SNX9: variants seen among roughly 807,000 people sequenced by gnomAD.
SNX9 encodes sorting nexin 9, also known as sorting nexin-9.
SNX9 carries 44 observed loss-of-function variants against 89.4 expected under a neutral mutation model. The ratio of observed to expected loss-of-function variants is 0.49; its 90% CI spans 0.39 to 0.63. The LOEUF is 0.63. SNX9 is among the 30% of genes least tolerant of loss of function. The pLI is 0.00. For synonymous variants in SNX9, 236 were observed against 247.8 expected (o/e 0.95, Z 0.45); for missense variants, 578 against 736.1 (o/e 0.79, Z 2.49).
At chr6:157,909,543 G>T (rs1287180502) in intron 7 of SNX9, 122 bp from the exon 8 acceptor site, 3 of 1,143,162 alleles carry the variant, frequency 2.6e-6, no homozygotes, top group East Asian at 2.4e-5. Flanking sequence ...CTTTCAAAGA[G>T]GAACAAGAAT....
intron 7 of SNX9, among the ~76,000 whole-genome samples, chr6:157,907,251 G>T (rs1783234471): frequency 6.6e-6 from 1 of 151,868 alleles, no homozygotes; most frequent in East Asian, 1.9e-4. Context: ...AAAATCAAGA[G>T]CGCACAGCTC....
chr6:157,868,297 A>T (rs1782309124), intron 2 of SNX9, among the ~76,000 whole-genome samples: 1 of 152,242 alleles, frequency 6.6e-6, no homozygotes, highest in Non-Finnish European at 1.5e-5. Context: ...AATTGTGTAC[A>T]TATACATACA....
chr6:157,859,954 A>G (rs1436940786), intron 1 of SNX9, among the ~76,000 whole-genome samples: 1 of 152,206 alleles, frequency 6.6e-6, no homozygotes, highest in Non-Finnish European at 1.5e-5. Context: ...TGGCCCATGA[A>G]CAAAATCTAG....
chr6:157,911,751 ATTACT>A (rs763476359), intron 9 of SNX9, among the ~76,000 whole-genome samples: 2 of 152,146 alleles, frequency 1.3e-5, no homozygotes, highest in Non-Finnish European at 2.9e-5. Flanking sequence ...TCCTTAAAAC[ATTACT>A]TTATATTTTA....
intron 1 of SNX9, among the ~76,000 whole-genome samples, chr6:157,829,697 T>C (rs1051839536): frequency 5.9e-5 from 9 of 152,236 alleles, no homozygotes; most frequent in African/African-American, 1.9e-4. Flanking sequence ...AGTGAACCTC[T>C]TTACCTCTGG....
rs1252752533 is a variant in SNX9, at chr6:157,921,593, A to T, written c.1012A>T (p.Met338Leu). The T allele has an allele frequency of 3.1e-6, 5 of 1,613,968 alleles. No individual in the cohort carries two copies. The African/African-American group carries it at 6.7e-5, about 22-fold the overall frequency. The change falls in exon 10 of 18, where the codon ATG becomes TTG. Residue 338 changes from methionine (M) to leucine (L), a missense_variant. Met to Leu is a conservative substitution (Grantham distance 15). Coordinates refer to ENST00000392185, the MANE Select transcript of SNX9 (RefSeq NM_016224.5). ...GAGACTTCAGGCCTGGATGACCAGG[A>T]TGTGTCGCCATCCAGTAATCTCAGA... The part of the protein sequence containing the change: ...MERLQAWMTR[M>L]CRHPVISESE...
At position 157,921,592 on chromosome 6, in the gene SNX9, G is replaced by T; in HGVS notation, c.1011G>T (p.Arg337Ser). 6.2e-7 allele frequency: 1 copy of T among 1,614,040 alleles called. No homozygotes were observed. The highest frequency in any genetic ancestry group is 8.5e-7 in the Non-Finnish European group (1 of 1,179,966). ...AGAGACTTCAGGCCTGGATGACCAGGATGTGTCGCCATCCAGTAATCTCAG... is the reference window on the plus strand; with the variant it reads ...AGAGACTTCAGGCCTGGATGACCAGTATGTGTCGCCATCCAGTAATCTCAG... ...RMERLQAWMT[R>S]MCRHPVISES... Residue 337 changes from arginine (R) to serine (S), a missense_variant, in exon 10 of 18, where the codon AGG (arginine) becomes AGT (serine). This residue lies in a region of SNX9 where 348 missense variants were observed against 491.4 expected (regional missense o/e 0.71). Transcript: ENST00000392185.
intron 2 of SNX9, among the ~76,000 whole-genome samples, chr6:157,871,947 T>A (rs1241115234): frequency 6.6e-6 from 1 of 152,050 alleles, no homozygotes; most frequent in African/African-American, 2.4e-5. Flanking sequence ...CAGCCTCATC[T>A]AATTTCTTTA....
chr6:157,905,639 A>G (rs926497554), intron 6 of SNX9, among the ~76,000 whole-genome samples: 2 of 152,046 alleles, frequency 1.3e-5, no homozygotes, highest in Admixed American at 6.5e-5. Flanking sequence ...GCAATTCCAA[A>G]AGAAACAAGC....
intron 10 of SNX9, among the ~76,000 whole-genome samples, 164 bp from the exon 11 acceptor site, chr6:157,926,947 G>C (rs1783706074): frequency 6.6e-6 from 1 of 152,142 alleles, no homozygotes; most frequent in Non-Finnish European, 1.5e-5. Flanking sequence ...ATTACATTCG[G>C]AGTATAAAGG....
At chr6:157,925,170 T>G (rs1484202139) in intron 10 of SNX9, among the ~76,000 whole-genome samples, 1 of 152,204 alleles carries the variant, frequency 6.6e-6, no homozygotes, top group East Asian at 1.9e-4. Flanking sequence ...AAAACATCAG[T>G]AAGCCCAGTG....
At chr6:157,827,486 TAAACTTATA>T in intron 1 of SNX9, among the ~76,000 whole-genome samples, 2 of 17,518 alleles carry the variant, frequency 1.1e-4, no homozygotes, top group Non-Finnish European at 1.6e-4. Context: ...ATATAATATA[TAAACTTATA>T]GTTTATATAA....
intron 7 of SNX9, 121 bp from the exon 8 acceptor site, chr6:157,909,544 G>A: frequency 3.5e-6 from 4 of 1,151,042 alleles, no homozygotes; most frequent in Admixed American, 2.1e-5. Context: ...TTTCAAAGAG[G>A]AACAAGAATG....
chr6:157,935,906 A>G, intron 13 of SNX9, 58 bp from the exon 14 acceptor site: 1 of 1,239,380 alleles, frequency 8.1e-7, no homozygotes, highest in South Asian at 1.5e-5. Context: ...TAAAATTTTA[A>G]CAAGTGAAAA....
chr6:157,836,871 G>A (rs368974115), intron 1 of SNX9, among the ~76,000 whole-genome samples: 4 of 152,090 alleles, frequency 2.6e-5, no homozygotes, highest in East Asian at 1.9e-4. Context: ...GATTACAGGC[G>A]TGAGCCACCG....
intron 1 of SNX9, among the ~76,000 whole-genome samples, chr6:157,834,119 T>G (rs928192548): frequency 1.3e-5 from 2 of 149,440 alleles, no homozygotes; most frequent in Admixed American, 6.7e-5. Context: ...TCTGATCGGA[T>G]TTTGGATCCT....
At chr6:157,909,433 T>C (rs915254619) in intron 7 of SNX9, among the ~76,000 whole-genome samples, 1 of 152,210 alleles carries the variant, frequency 6.6e-6, no homozygotes, top group African/African-American at 2.4e-5. Flanking sequence ...CTCCTCTCCA[T>C]GGGCTGAGCT....
intron 11 of SNX9, 113 bp downstream of exon 11, chr6:157,927,327 G>A: frequency 1.5e-6 from 1 of 668,890 alleles, no homozygotes; most frequent in East Asian, 2.6e-5. Context: ...AGACTTTTAT[G>A]AAATGAGTGG....
At chr6:157,865,405 T>C (rs1438086726) in intron 1 of SNX9, among the ~76,000 whole-genome samples, 1 of 151,118 alleles carries the variant, frequency 6.6e-6, no homozygotes, top group African/African-American at 2.4e-5. Context: ...TTTGCAGCCA[T>C]GTCAGGAAAA....
Sources: gnomAD v4.1 joint callset for allele counts (sites outside exome capture counted in the v4.1 genomes callset) on GRCh38, gnomAD v4.1.1 for gene constraint, gnomAD v4.1.1 regional missense constraint, MANE v1.5 for transcripts, NCBI Gene and HGNC (gene_info 2026-07-23, HGNC 2026-07-21) for gene names.